The following KDM4C variants were observed in gnomAD, a reference collection of about 807,000 sequenced individuals.
KDM4C encodes the protein lysine-specific demethylase 4C.
KDM4C carries 81 observed loss-of-function variants against 129.3 expected under a neutral mutation model. The ratio of observed to expected loss-of-function variants is 0.63; its 90% CI spans 0.52 to 0.75. The LOEUF is 0.75. Ranked by LOEUF, KDM4C falls within the 30% of genes least tolerant of loss-of-function variation. The pLI, the probability that KDM4C is intolerant of heterozygous loss-of-function variation, is 0.00. For missense variants in KDM4C, 1,457 were observed against 1,304.0 expected, an observed-to-expected ratio of 1.12 and a Z score of -1.81; for synonymous variants, 573 against 456.1, an observed-to-expected ratio of 1.26 and a Z score of -3.26.
chr9:6,820,333 A>C (rs930193617), intron 4 of KDM4C, among the ~76,000 whole-genome samples: 1 of 152,206 alleles, frequency 6.6e-6, no homozygotes, highest in South Asian at 2.1e-4. Flanking sequence ...GACCACACCT[A>C]ACAGTGTCAG....
In KDM4C at chr9:7,148,512, A is replaced by C. The variant is rs534901054; in HGVS notation, c.2782-16726A>C. Among the ~76,000 whole-genome samples, 4 of 152,144 alleles carry C rather than the reference A, an allele frequency of 2.6e-5. No individual in the cohort carries two copies. In the South Asian group the frequency reaches 8.3e-4, roughly 32 times the overall value. ...GGCAGCTCTGGCTCAGGGAATTCCA[A>C]GGTCTGGGCACCCAGAAGGGTTGGC... is the stretch of plus-strand genomic sequence containing the variant. On this transcript the variant is annotated intron_variant, in intron 19 of 21. Transcript: ENST00000381309.
At chr9:6,812,285 T>C (rs1321763351) in intron 3 of KDM4C, among the ~76,000 whole-genome samples, 2 of 151,982 alleles carry the variant, frequency 1.3e-5, no homozygotes, top group African/African-American at 4.8e-5. Flanking sequence ...TAGATTGGTC[T>C]TGGTATAGGT....
chr9:6,786,264 A>G (rs1482803842), intron 1 of KDM4C, among the ~76,000 whole-genome samples: 1 of 152,226 alleles, frequency 6.6e-6, no homozygotes, highest in African/African-American at 2.4e-5. Flanking sequence ...CATTAGAACA[A>G]GGAGAGTAGA....
intron 5 of KDM4C, among the ~76,000 whole-genome samples, chr9:6,871,030 T>A (rs565117051): frequency 2.0e-5 from 3 of 152,158 alleles, no homozygotes; most frequent in Non-Finnish European, 4.4e-5. Flanking sequence ...GTGACAGACG[T>A]CTGGGCAGTG....
chr9:7,165,124 T>C lies in KDM4C; in HGVS notation c.2782-114T>C, dbSNP rs1844240513. 9 of 1,275,666 alleles carry C rather than the reference T, an allele frequency of 7.1e-6. No individual in the cohort carries two copies. The South Asian group carries it at 1.3e-4, about 18-fold the overall frequency. The allele number at this position is 1,275,666 out of a possible 1,614,324, so 79.0% of individuals were successfully genotyped here. On this transcript the variant is annotated intron_variant, in intron 19 of 21. Transcript: ENST00000381309. Reference sequence around the variant, plus strand: ...AACACCCATGCGAGATCATAATCCATAAAACACAGAGGCAATAACTCCTTT... The same window carrying C: ...AACACCCATGCGAGATCATAATCCACAAAACACAGAGGCAATAACTCCTTT...
chr9:7,080,629 G>T (rs2132931513), intron 17 of KDM4C, among the ~76,000 whole-genome samples: 1 of 152,166 alleles, frequency 6.6e-6, no homozygotes, highest in African/African-American at 2.4e-5. Flanking sequence ...TTTGTCTATT[G>T]GGTTTTATAT....
intron 17 of KDM4C, among the ~76,000 whole-genome samples, chr9:7,059,739 G>A (rs976365106): frequency 2.0e-5 from 3 of 152,110 alleles, no homozygotes; most frequent in African/African-American, 4.8e-5. Context: ...ATTAAACTGG[G>A]CAGAGATTGG....
intron 8 of KDM4C, among the ~76,000 whole-genome samples, chr9:6,896,801 CAGGGGTG>C (rs746017509): frequency 4.7e-4 from 72 of 152,188 alleles, no homozygotes; most frequent in Middle Eastern, 3.4e-3. Context: ...TCTATGAGAA[CAGGGGTG>C]AGAGTAGAGT....
chr9:6,814,033 A>G (rs1157710827), intron 3 of KDM4C, among the ~76,000 whole-genome samples: 2 of 152,226 alleles, frequency 1.3e-5, no homozygotes, highest in East Asian at 3.9e-4. Context: ...GTGAATTTCT[A>G]CTTTTAGATT....
At position 6,847,183 on chromosome 9, in the gene KDM4C, A is replaced by T. The variant is rs529470487; in HGVS notation, c.436-2324A>T. Among the ~76,000 whole-genome samples the T allele has an allele frequency of 1.1e-4, 17 of 152,364 alleles. No individual in the cohort carries two copies. The South Asian group carries it at 3.3e-3, about 30-fold the overall frequency. On this transcript the variant is annotated intron_variant, in intron 4 of 21. Coordinates refer to ENST00000381309, the MANE Select transcript of KDM4C (RefSeq NM_015061.6). ...AAATTTGCAAGCTCATTCAGTTTAA[A>T]AATGGTTCCTATAATATGGTGCTCA...
At chr9:6,959,571 A>T (rs1829681144) in intron 8 of KDM4C, among the ~76,000 whole-genome samples, 1 of 152,232 alleles carries the variant, frequency 6.6e-6, no homozygotes, top group Admixed American at 6.5e-5. Context: ...TTACACTGGT[A>T]AAATTTACTG....
intron 8 of KDM4C, among the ~76,000 whole-genome samples, chr9:6,971,849 T>C (rs116636441): frequency 0.014 from 2,195 of 152,302 alleles, 54 homozygotes; most frequent in African/African-American, 0.05. Flanking sequence ...TCAAATATGG[T>C]GAGTCAACAT....
rs140790642 is a variant in KDM4C, at chr9:7,115,832, T to C, written c.2610+11962T>C. On this transcript the variant is annotated intron_variant, in intron 18 of 21. Coordinates refer to ENST00000381309, the MANE Select transcript of KDM4C (RefSeq NM_015061.6). The stretch of plus-strand genomic sequence containing the variant: ...GAGGAATGCCTTATCTTCTTTGTCA[T>C]GTCCTTCCATGGAATATTGGAGCAT... Among the ~76,000 whole-genome samples, 170 of 152,376 alleles carry C rather than the reference T, an allele frequency of 1.1e-3. 1 individual carries two copies. Among genetic ancestry groups the C allele is most frequent in the African/African-American group, 3.8e-3 (159 of 41,592 alleles).
chr9:6,977,622 TA>T (rs1833151696), intron 8 of KDM4C, among the ~76,000 whole-genome samples: 1 of 152,170 alleles, frequency 6.6e-6, no homozygotes, highest in Admixed American at 6.5e-5. Flanking sequence ...ACCTGGGCAG[TA>T]TTAATTCATG....
chr9:7,136,725 C>T (rs1198210282), intron 19 of KDM4C, among the ~76,000 whole-genome samples: 1 of 152,094 alleles, frequency 6.6e-6, no homozygotes, highest in Non-Finnish European at 1.5e-5. Context: ...TGTACATATC[C>T]TTTATCAGAT....
intron 8 of KDM4C, among the ~76,000 whole-genome samples, chr9:6,938,464 G>A (rs981046532): frequency 2.0e-5 from 3 of 152,160 alleles, no homozygotes; most frequent in African/African-American, 4.8e-5. Context: ...GTATAACAGT[G>A]GCAAAGAATG....
chr9:7,060,517 C>G (rs940984425), intron 17 of KDM4C, among the ~76,000 whole-genome samples: 1 of 150,410 alleles, frequency 6.6e-6, no homozygotes, highest in Non-Finnish European at 1.5e-5. Flanking sequence ...GAGTCTTGGT[C>G]TGTCACCAGG....
At chr9:6,807,968 C>T (rs1246990020) in intron 3 of KDM4C, among the ~76,000 whole-genome samples, 1 of 125,912 alleles carries the variant, frequency 7.9e-6, no homozygotes, top group African/African-American at 3.1e-5. Flanking sequence ...GCCCGGCCAG[C>T]CGCCCCGTCC....
At chr9:7,017,183 C>T (rs1052785916) in intron 15 of KDM4C, among the ~76,000 whole-genome samples, 2 of 152,344 alleles carry the variant, frequency 1.3e-5, no homozygotes, top group African/African-American at 2.4e-5. Context: ...GTGATCCTCT[C>T]ACCTTGGCCT....
Sources: allele counts gnomAD v4.1 joint callset (sites outside exome capture counted in the v4.1 genomes callset), GRCh38; gene constraint gnomAD v4.1.1; transcripts MANE v1.5; gene names NCBI Gene and HGNC (gene_info 2026-07-23, HGNC 2026-07-21).